Variants in AKAP13 observed in about 807,000 individuals in gnomAD.
The protein encoded by AKAP13 is A-kinase anchoring protein 13.
AKAP13 carries 80 observed loss-of-function variants against 264.5 expected under a neutral mutation model. That is an observed-to-expected ratio of 0.30 (90% confidence interval 0.25 to 0.36). The LOEUF is 0.36. Ranked by LOEUF, AKAP13 falls within the 10% of genes least tolerant of loss-of-function variation. The pLI is 1.00. For missense variants in AKAP13, 3,712 were observed against 3,435.2 expected, an observed-to-expected ratio of 1.08 and a Z score of -2.01; for synonymous variants, 1,380 against 1,250.2, an observed-to-expected ratio of 1.10 and a Z score of -2.19.
At chr15:85,550,281 C>T (rs2077911109) in intron 5 of AKAP13, among the ~76,000 whole-genome samples, 1 of 152,172 alleles carries the variant, frequency 6.6e-6, no homozygotes, top group African/African-American at 2.4e-5. Context: ...GGTCTCGGTT[C>T]ACAAGGTTGC....
At chr15:85,390,886 A>G (rs1033892596) in intron 1 of AKAP13, among the ~76,000 whole-genome samples, 1 of 152,170 alleles carries the variant, frequency 6.6e-6, no homozygotes, top group African/African-American at 2.4e-5. Flanking sequence ...TGAAATTGTG[A>G]TTTCCCTGTT....
At chr15:85,679,582 A>G (rs186027955) in intron 14 of AKAP13, among the ~76,000 whole-genome samples, 60 of 152,300 alleles carry the variant, frequency 3.9e-4, no homozygotes, top group South Asian at 1.9e-3. Context: ...TCCCAAATGT[A>G]TTAACTAGAA....
At chr15:85,719,417 A>G (rs2151721626) in intron 23 of AKAP13, 91 bp downstream of exon 23, 1 of 1,488,712 alleles carries the variant, frequency 6.7e-7, no homozygotes, top group East Asian at 2.3e-5. Flanking sequence ...TCTTCTTTCT[A>G]CCATTTATTA....
intron 2 of AKAP13, among the ~76,000 whole-genome samples, chr15:85,499,759 G>A (rs2075990696): frequency 6.6e-6 from 1 of 151,926 alleles, no homozygotes; most frequent in African/African-American, 2.4e-5. Context: ...TCATCCTCCT[G>A]TGGATCCATC....
chr15:85,583,728 G>A (rs1193290705), intron 7 of AKAP13, among the ~76,000 whole-genome samples: 1 of 152,164 alleles, frequency 6.6e-6, no homozygotes, highest in Admixed American at 6.5e-5. Context: ...TGTGTCTGTA[G>A]TATCCTATGA....
At chr15:85,555,793 A>T (rs941689070) in intron 5 of AKAP13, among the ~76,000 whole-genome samples, 1 of 152,212 alleles carries the variant, frequency 6.6e-6, no homozygotes, top group Admixed American at 6.5e-5. Context: ...GTTGAAACTC[A>T]TCCTGGGCTT....
intron 1 of AKAP13, among the ~76,000 whole-genome samples, chr15:85,458,110 T>C (rs975239785): frequency 4.0e-5 from 6 of 148,566 alleles, no homozygotes; most frequent in Non-Finnish European, 8.9e-5. Context: ...ACTGCACTCC[T>C]GCCTGATGAC....
chr15:85,646,089 T>C, intron 10 of AKAP13, 135 bp downstream of exon 10: 4 of 1,159,916 alleles, frequency 3.4e-6, no homozygotes, highest in Non-Finnish European at 4.8e-6. Context: ...TGCTAGTAAG[T>C]TGTGATCCAG....
At chr15:85,523,518 A>G (rs185304445) in intron 3 of AKAP13, among the ~76,000 whole-genome samples, 235 of 152,056 alleles carry the variant, frequency 1.5e-3, no homozygotes, top group Non-Finnish European at 2.6e-3. Flanking sequence ...CACATTCCCT[A>G]TCCCCCTTTC....
rs1372536890 is a variant in AKAP13, at chr15:85,500,329, T to G, written c.33+14576T>G. On this transcript the variant is annotated intron_variant, in intron 2 of 36. Transcript: ENST00000394518. ...CTTGGAACACTCTGTGTTTGCTTCT[T>G]ACTACACAAATCTCATTTTATTGGT... 2.0e-5 allele frequency among the ~76,000 whole-genome samples: 3 copies of G among 152,216 alleles called. No homozygotes were observed. The South Asian group carries it at 6.2e-4, about 31-fold the overall frequency.
At chr15:85,399,262 C>A (rs1278050512) in intron 1 of AKAP13, among the ~76,000 whole-genome samples, 1 of 150,440 alleles carries the variant, frequency 6.6e-6, no homozygotes, top group African/African-American at 2.5e-5. Flanking sequence ...TTTGGGAGGC[C>A]GAGGCGGGTG....
At chr15:85,496,066 A>T (rs1444149684) in intron 2 of AKAP13, among the ~76,000 whole-genome samples, 1 of 152,204 alleles carries the variant, frequency 6.6e-6, no homozygotes, top group Non-Finnish European at 1.5e-5. Flanking sequence ...CATGGCCAGC[A>T]CTTAATACAC....
In AKAP13 at chr15:85,741,110, T is replaced by G; in HGVS notation, c.7673T>G (p.Leu2558Arg). The change falls in exon 35 of 37, where the codon CTC becomes CGC. Residue 2558 changes from leucine to arginine, a missense_variant. Leu to Arg is a moderately radical substitution (Grantham distance 102, BLOSUM62 -2). Coordinates refer to ENST00000394518, the MANE Select transcript of AKAP13 (RefSeq NM_007200.5). ...AAACTGGTGCTGAGCGAGAGGGCGC[T>G]CACTCGCAGCTTGTCCCGCCCGAGC... is the stretch of plus-strand genomic sequence containing the variant. ...DQKLVLSERALTRSLSRPSSL... is the reference protein window; with the variant it reads ...DQKLVLSERARTRSLSRPSSL... 6.2e-7 allele frequency: 1 copy of G among 1,613,610 alleles called. No homozygotes were observed. Among genetic ancestry groups the G allele is most frequent in the Non-Finnish European group, 8.5e-7 (1 of 1,179,856 alleles).
rs1597239676 is a variant in AKAP13, at chr15:85,740,646, C to A, written c.7608+374C>A. ...TAATACAGCTTCTGTTTCGGACTTC[C>A]CAGGAACATCCTCAAATTCTGCTCA... On this transcript the variant is annotated intron_variant, in intron 34 of 36. Transcript: ENST00000394518. 6 of 322,804 alleles carry A rather than the reference C, an allele frequency of 1.9e-5. No individual in the cohort carries two copies. In the South Asian group the frequency reaches 3.0e-4, roughly 16 times the overall value. The allele number at this position is 322,804 out of a possible 1,614,324, so 20.0% of individuals were successfully genotyped here.
At chr15:85,631,502 T>TCTCTCA (rs1372440393) in intron 8 of AKAP13, among the ~76,000 whole-genome samples, 29 of 141,046 alleles carry the variant, frequency 2.1e-4, no homozygotes, top group African/African-American at 6.7e-4. Context: ...TCTCTCTCTC[T>TCTCTCA]CACACACACA....
At chr15:85,587,983 A>G (rs750995143) in intron 8 of AKAP13, among the ~76,000 whole-genome samples, 6 of 152,086 alleles carry the variant, frequency 3.9e-5, no homozygotes, top group African/African-American at 1.2e-4. Context: ...GTTGAGAGAA[A>G]CAGTGCCCTA....
intron 19 of AKAP13, among the ~76,000 whole-genome samples, chr15:85,714,226 T>G (rs1220813450): frequency 5.3e-5 from 8 of 152,246 alleles, no homozygotes; most frequent in Non-Finnish European, 8.8e-5. Flanking sequence ...AAAATATATT[T>G]ACTGTTTGTT....
chr15:85,429,493 A>C (rs1460953322), intron 1 of AKAP13, among the ~76,000 whole-genome samples: 1 of 152,222 alleles, frequency 6.6e-6, no homozygotes, highest in Non-Finnish European at 1.5e-5. Flanking sequence ...CTTTGTTGAC[A>C]TGATTTGGTC....
chr15:85,450,884 C>T (rs181755278), intron 1 of AKAP13, among the ~76,000 whole-genome samples: 56 of 152,192 alleles, frequency 3.7e-4, no homozygotes, highest in East Asian at 1.7e-3. Context: ...TTTGGTTCAA[C>T]GCTAAGTTTA....
Sources: gnomAD v4.1 joint callset for allele counts (sites outside exome capture counted in the v4.1 genomes callset) on GRCh38, gnomAD v4.1.1 for gene constraint, MANE v1.5 for transcripts, NCBI Gene and HGNC (gene_info 2026-07-23, HGNC 2026-07-21) for gene names.